TTC8: variants seen among roughly 807,000 people sequenced by gnomAD.
TTC8 encodes the protein tetratricopeptide repeat domain 8.
A neutral mutation model predicts 72.5 loss-of-function variants in TTC8; 47 were observed. The observed-to-expected ratio is 0.65, with a 90% CI of 0.51 to 0.83. TTC8 has a LOEUF of 0.83. Ranked by LOEUF, TTC8 falls within the 40% of genes least tolerant of loss-of-function variation. The pLI, the probability that TTC8 is intolerant of heterozygous loss-of-function variation, is 0.00. For missense variants in TTC8, 611 were observed against 623.2 expected, an observed-to-expected ratio of 0.98 and a Z score of 0.21; for synonymous variants, 199 against 221.4, an observed-to-expected ratio of 0.90 and a Z score of 0.90.
Position 88,872,336 on chromosome 14 carries a change from G to A in TTC8, c.1231G>A (p.Gly411Arg), listed in dbSNP as rs139773124. The A allele has an allele frequency of 1.0e-4, 164 of 1,613,782 alleles. No individual in the cohort carries two copies. In the African/African-American group the frequency reaches 2.0e-3, roughly 19 times the overall value. The change falls in exon 13 of 15, where the codon GGA (glycine) becomes AGA (arginine). Residue 411 changes from glycine (G) to arginine (R), a missense_variant. Gly to Arg is a moderately radical substitution (Grantham distance 125). Transcript: ENST00000380656. ...YNLGHVAVGIGDTNLAHQCFR... is the reference protein window; with the variant it reads ...YNLGHVAVGIRDTNLAHQCFR... ...CATAGGCTTTCTTTTGTAGGGAATA[G>A]GAGATACAAATTTGGCCCATCAGTG...
intron 7 of TTC8, among the ~76,000 whole-genome samples, chr14:88,849,048 T>C (rs1036560101): frequency 6.6e-5 from 10 of 152,230 alleles, no homozygotes; most frequent in Non-Finnish European, 1.3e-4. Flanking sequence ...CAATTTGTTT[T>C]GTTCTTATTT....
At chr14:88,872,962 CT>C (rs1290769140) in intron 13 of TTC8, among the ~76,000 whole-genome samples, 1 of 152,180 alleles carries the variant, frequency 6.6e-6, no homozygotes, top group Non-Finnish European at 1.5e-5. Flanking sequence ...CCTAGCTGGT[CT>C]TTTTGTTTCC....
intron 8 of TTC8, among the ~76,000 whole-genome samples, chr14:88,854,179 A>G (rs1450347042): frequency 6.6e-6 from 1 of 152,242 alleles, no homozygotes; most frequent in African/African-American, 2.4e-5. Flanking sequence ...TCCTGGAGAC[A>G]GTCTTGAAAT....
rs112035076 is a variant in TTC8, at chr14:88,856,811, G to A, written c.711-379G>A. The stretch of plus-strand genomic sequence containing the variant: ...GAGCAGAAGAGATTTTCAAATAAAT[G>A]TCATCCTTCAGCTCTTCCAGTAATA... On this transcript the variant is annotated intron_variant, in intron 8 of 14. Transcript: ENST00000380656. Among the ~76,000 whole-genome samples, 326 of 152,288 alleles carry A rather than the reference G, an allele frequency of 2.1e-3. 1 individual carries two copies. Among genetic ancestry groups the A allele is most frequent in the Non-Finnish European group, 3.3e-3 (223 of 68,022 alleles).
At position 88,871,787 on chromosome 14, in the gene TTC8, C is replaced by T. The variant is rs765934594; in HGVS notation, c.1224+64C>T. On this transcript the variant is annotated intron_variant, in intron 12 of 14. Coordinates refer to ENST00000380656, the MANE Select transcript of TTC8 (RefSeq NM_144596.4). This position sits in a 1 kb window ranked among gnomAD's most constrained non-coding sequence, Gnocchi z 4.1. Reference sequence around the variant, plus strand: ...TTGGTTTGAGCCAGACACAGTGGCTCATGCCTATAATTCCAGCATTTTGGG... The same window carrying T: ...TTGGTTTGAGCCAGACACAGTGGCTTATGCCTATAATTCCAGCATTTTGGG... The T allele has an allele frequency of 6.4e-7, 1 of 1,570,070 alleles. No individual in the cohort carries two copies. Among genetic ancestry groups the T allele is most frequent in the Non-Finnish European group, 8.8e-7 (1 of 1,141,890 alleles).
chr14:88,865,206 G>A (rs544891958), intron 10 of TTC8, among the ~76,000 whole-genome samples: 1 of 152,120 alleles, frequency 6.6e-6, no homozygotes, highest in South Asian at 2.1e-4. Flanking sequence ...TGTTATTCTA[G>A]AGGTCTTCAA....
At chr14:88,848,213 AT>A (rs1162320352) in intron 7 of TTC8, among the ~76,000 whole-genome samples, 1 of 151,784 alleles carries the variant, frequency 6.6e-6, no homozygotes, top group Non-Finnish European at 1.5e-5. Flanking sequence ...GAAAATTTAC[AT>A]TAGAAAAAAT....
In TTC8 at chr14:88,839,497, A is replaced by G. The variant is rs1371568646; in HGVS notation, c.190A>G (p.Ile64Val). ...AAGAGCGCTAACAGAAATGGTATAC[A>G]TAGATGAAATTGATGTAGATCAGGA... ...KARALTEMVY[I>V]DEIDVDQEGI... Residue 64 changes from isoleucine (I) to valine (V), a missense_variant, in exon 3 of 15, where the codon ATA becomes GTA. Physicochemically the swap from Ile to Val is conservative, Grantham distance 29. Coordinates refer to ENST00000380656, the MANE Select transcript of TTC8 (RefSeq NM_144596.4). 5 of 1,613,378 alleles carry G rather than the reference A, an allele frequency of 3.1e-6. No individual in the cohort carries two copies. Among genetic ancestry groups the G allele is most frequent in the Non-Finnish European group, 4.2e-6 (5 of 1,179,544 alleles).
In TTC8 at chr14:88,840,892, G is replaced by A. The variant is rs1566836961; in HGVS notation, c.293G>A (p.Gly98Glu). 5.6e-6 allele frequency: 9 copies of A among 1,614,024 alleles called. No individual in the cohort carries two copies. The South Asian group carries it at 7.7e-5, about 14-fold the overall frequency. The change falls in exon 4 of 15, where the codon GGA (glycine) becomes GAA (glutamate). Residue 98 changes from glycine to glutamate, a missense_variant. By Grantham distance (98) the Gly-to-Glu change is moderately conservative (BLOSUM62 -2). Coordinates refer to ENST00000380656, the MANE Select transcript of TTC8 (RefSeq NM_144596.4). ...PRPGTSLKLP[G>E]TNQTGGPSQA... ...CCTGGAACGTCTTTGAAACTCCCTG[G>A]AACTAATCAGACAGGAGGGCCTAGC...
At chr14:88,870,263 A>G (rs551726010) in intron 11 of TTC8, 65 bp downstream of exon 11, 9 of 1,550,402 alleles carry the variant, frequency 5.8e-6, no homozygotes, top group Non-Finnish European at 8.0e-6. Context: ...AATAAGAAAG[A>G]TGGAATGAAA....
In TTC8 at chr14:88,870,073, G is replaced by A. The variant is rs1329979344; in HGVS notation, c.924G>A (p.Met308Ile). 1 of 1,613,918 alleles carries A rather than the reference G, an allele frequency of 6.2e-7. No individual in the cohort carries two copies. The highest frequency in any genetic ancestry group is 1.1e-5 in the South Asian group (1 of 91,074). ...ATGGAGAATAGGAAATGAACAATAT[G>A]TCATCAGCAGCAGAATATTACAAAG... ...IARIYEEMNN[M>I]SSAAEYYKEV... Residue 308 changes from methionine (M) to isoleucine (I), a missense_variant, in exon 11 of 15, where the codon ATG becomes ATA. Coordinates refer to ENST00000380656, the MANE Select transcript of TTC8 (RefSeq NM_144596.4).
At chr14:88,844,500 A>C (rs1431933797) in intron 7 of TTC8, among the ~76,000 whole-genome samples, 2 of 152,138 alleles carry the variant, frequency 1.3e-5, no homozygotes, top group South Asian at 2.1e-4. Flanking sequence ...CCATACATTA[A>C]GCATTTAGGA....
chr14:88,865,068 T>G (rs556040447), intron 10 of TTC8, among the ~76,000 whole-genome samples: 36 of 152,368 alleles, frequency 2.4e-4, no homozygotes, highest in African/African-American at 8.4e-4. Flanking sequence ...GATTTATCCT[T>G]GCCAGATTTC....
intron 9 of TTC8, among the ~76,000 whole-genome samples, chr14:88,859,262 A>C (rs1595968892): frequency 6.6e-6 from 1 of 152,170 alleles, no homozygotes; most frequent in Admixed American, 6.5e-5. Flanking sequence ...ACATGGAATT[A>C]ACCTAAATGC....
chr14:88,856,687 A>C (rs556062102), intron 8 of TTC8, among the ~76,000 whole-genome samples: 4 of 152,244 alleles, frequency 2.6e-5, no homozygotes, highest in Non-Finnish European at 5.9e-5. Context: ...CAAGATTTCT[A>C]GAATAATAAA....
chr14:88,840,280 A>G (rs7140918), intron 3 of TTC8: 16,483 of 156,410 alleles, frequency 0.11, 2,412 homozygotes, highest in African/African-American at 0.32. Context: ...AATGGTATTG[A>G]ATTATAACCA....
At chr14:88,854,510 G>A (rs770034443) in intron 8 of TTC8, among the ~76,000 whole-genome samples, 12 of 152,088 alleles carry the variant, frequency 7.9e-5, no homozygotes, top group Non-Finnish European at 1.2e-4. Context: ...AAATAATTAC[G>A]GGTTAAGTAT....
At chr14:88,846,692 G>A in intron 7 of TTC8, 3 of 1,236,852 alleles carry the variant, frequency 2.4e-6, no homozygotes. Context: ...TTTATTCCCT[G>A]CACTACTGCA....
At chr14:88,850,787 G>T (rs2094829840) in intron 7 of TTC8, among the ~76,000 whole-genome samples, 1 of 152,222 alleles carries the variant, frequency 6.6e-6, no homozygotes, top group Non-Finnish European at 1.5e-5. Flanking sequence ...TTTATTCTGA[G>T]TCAATATGCG....
Sources: gnomAD v4.1 joint callset for allele counts (sites outside exome capture counted in the v4.1 genomes callset) on GRCh38, gnomAD v4.1.1 for gene constraint, Gnocchi (gnomAD v3.1) non-coding constraint, MANE v1.5 for transcripts, NCBI Gene and HGNC (gene_info 2026-07-23, HGNC 2026-07-21) for gene names.